Variants in PCDHA4 observed in about 807,000 individuals in gnomAD.
PCDHA4 encodes protocadherin alpha-4.
PCDHA4 carries 49 observed loss-of-function variants against 61.4 expected under a neutral mutation model. That is an observed-to-expected ratio of 0.80 (90% CI 0.63 to 1.01). The LOEUF (loss-of-function observed/expected upper bound fraction) is 1.01. PCDHA4 is among the 50% of genes least tolerant of loss of function. PCDHA4 has a pLI of 0.00. For synonymous variants in PCDHA4, 590 were observed against 550.3 expected (o/e 1.07, Z -1.01); for missense variants, 1,254 against 1,235.8 (o/e 1.01, Z -0.22).
Position 140,875,458 on chromosome 5 carries a change from C to T in PCDHA4, c.2385+65886C>T, listed in dbSNP as rs149655466. ...AAAACTGATTGTCCCAACTCAGAGG[C>T]CCTCATTTTCTGCAATGGTGATTAT... On this transcript the variant is annotated intron_variant, in intron 1 of 3. Transcript: ENST00000530339. The T allele has an allele frequency of 1.1e-3, 1,729 of 1,596,942 alleles. 10 individuals are homozygous for T. In the African/African-American group the frequency reaches 0.015, roughly 14 times the overall value.
At position 140,869,428 on chromosome 5, in the gene PCDHA4, A is replaced by G. The variant is rs781860422; in HGVS notation, c.2385+59856A>G. The G allele has an allele frequency of 9.3e-6, 15 of 1,614,214 alleles. No individual in the cohort carries two copies. In the South Asian group the frequency reaches 1.6e-4, roughly 18 times the overall value. On this transcript the variant is annotated intron_variant, in intron 1 of 3. Transcript: ENST00000530339. The stretch of plus-strand genomic sequence containing the variant: ...GGAGTGCAGCATCCACCTGGAGGTG[A>G]TCGTGGACAGGCCGCTGCAGGTTTT...
At chr5:140,927,489 C>T (rs147183638) in intron 1 of PCDHA4, 63 of 1,614,126 alleles carry the variant, frequency 3.9e-5, no homozygotes, top group Non-Finnish European at 4.8e-5. Flanking sequence ...GCGCCACCCA[C>T]CTGCTGGTGC....
intron 1 of PCDHA4, chr5:140,871,318 G>A (rs546803828): frequency 9.9e-6 from 16 of 1,614,072 alleles, no homozygotes; most frequent in Middle Eastern, 1.7e-4. Context: ...GCCCACGCTG[G>A]TGTGCTCCCG....
intron 1 of PCDHA4, among the ~76,000 whole-genome samples, chr5:140,951,082 CTTT>C (rs573059224): frequency 6.6e-6 from 1 of 151,404 alleles, no homozygotes; most frequent in African/African-American, 2.4e-5. Flanking sequence ...TTATATTTTC[CTTT>C]TTTTCTGATA....
rs146587864 is a variant in PCDHA4 at position 140,950,030 on chromosome 5, A to G, written c.2386-28919A>G. Among the ~76,000 whole-genome samples the G allele has an allele frequency of 2.6e-4, 39 of 152,064 alleles. 1 individual carries two copies. The East Asian group carries it at 4.8e-3, about 19-fold the overall frequency. On this transcript the variant is annotated intron_variant, in intron 1 of 3. Transcript: ENST00000530339. ...TGTACAACCTTCATAAAATATAGAA[A>G]AGTTACAACCATATAAGACTATTTA...
intron 1 of PCDHA4, chr5:140,929,053 T>C (rs781847457): frequency 6.2e-7 from 1 of 1,614,182 alleles, no homozygotes; most frequent in Non-Finnish European, 8.5e-7. Flanking sequence ...CTGCTGTCGC[T>C]CTACAGAGGA....
chr5:140,850,934 T>G (rs2150502964), intron 1 of PCDHA4: 2 of 1,514,156 alleles, frequency 1.3e-6, no homozygotes, highest in African/African-American at 1.4e-5. Flanking sequence ...TTTTTTTTCT[T>G]GAAAGATATT....
intron 1 of PCDHA4, chr5:140,823,491 C>A (rs2150126356): frequency 6.2e-7 from 1 of 1,613,202 alleles, no homozygotes; most frequent in South Asian, 1.1e-5. Context: ...TGGGTGGCAC[C>A]GGCGGCGCAG....
At chr5:140,841,506 G>A in intron 1 of PCDHA4, 1 of 1,613,388 alleles carries the variant, frequency 6.2e-7, no homozygotes, top group Non-Finnish European at 8.5e-7. Context: ...CTGGTGCCGC[G>A]CCTGTTCCGG....
At chr5:140,976,528 A>G (rs1238458657) in intron 1 of PCDHA4, among the ~76,000 whole-genome samples, 1 of 152,112 alleles carries the variant, frequency 6.6e-6, no homozygotes, top group East Asian at 1.9e-4. Flanking sequence ...ACCAGCCTAA[A>G]TGACAGAGTA....
intron 1 of PCDHA4, chr5:140,928,228 C>T: frequency 6.2e-7 from 1 of 1,614,218 alleles, no homozygotes; most frequent in Non-Finnish European, 8.5e-7. Context: ...ACCAAACTTT[C>T]CTCAACCCCA....
At chr5:140,827,850 A>C in intron 1 of PCDHA4, 4 of 489,030 alleles carry the variant, frequency 8.2e-6, no homozygotes, top group Non-Finnish European at 1.4e-5. Context: ...ATACTGTTTT[A>C]AAAATATATG....
chr5:140,854,244 A>C lies in PCDHA4; in HGVS notation c.2385+44672A>C, dbSNP rs782085298. 42 of 645,742 alleles carry C rather than the reference A, an allele frequency of 6.5e-5. 1 individual carries two copies. The highest frequency in any genetic ancestry group is 7.7e-5 in the Non-Finnish European group (40 of 520,302). 40.0% of individuals were successfully genotyped at this position (645,742 alleles called of 1,614,324 possible). A position where few individuals can be genotyped will look rare whatever the true frequency, so the allele number is the denominator to read the frequency against. ...TCTACATTGGGATATTTATGTTATCACTTGGTATAAAATGTACATTAGTAG... is the reference window on the plus strand; with the variant it reads ...TCTACATTGGGATATTTATGTTATCCCTTGGTATAAAATGTACATTAGTAG... On this transcript the variant is annotated intron_variant, in intron 1 of 3. Coordinates refer to ENST00000530339, the MANE Select transcript of PCDHA4 (RefSeq NM_018907.4).
chr5:140,843,603 G>C lies in PCDHA4; in HGVS notation c.2385+34031G>C, dbSNP rs2150363259. ...CAACAGCCGCAGAGGGTGTGCTCTG[G>C]TGAGGGGCCACCGAAGACGGACCTC... On this transcript the variant is annotated intron_variant, in intron 1 of 3. Coordinates refer to ENST00000530339, the MANE Select transcript of PCDHA4 (RefSeq NM_018907.4). 45 of 1,596,084 alleles carry C rather than the reference G, an allele frequency of 2.8e-5. 3 individuals carry two copies. The East Asian group carries it at 3.1e-4, about 11-fold the overall frequency.
chr5:140,850,863 T>C lies in PCDHA4; in HGVS notation c.2385+41291T>C, dbSNP rs2150500955. 38 of 1,592,804 alleles carry C rather than the reference T, an allele frequency of 2.4e-5. 2 individuals are homozygous for C. Among genetic ancestry groups the C allele is most frequent in the Non-Finnish European group, 3.2e-5 (37 of 1,163,928 alleles). On this transcript the variant is annotated intron_variant, in intron 1 of 3. Transcript: ENST00000530339. ...ATCTACAGAGCGAACGGGAGAACCC[T>C]CTGCTTCCTCAGATTCAACTGGGAA...
intron 1 of PCDHA4, chr5:140,813,585 A>G (rs1270659713): frequency 6.6e-6 from 1 of 152,254 alleles, no homozygotes; most frequent in Non-Finnish European, 1.5e-5. Context: ...CTGGAAATTT[A>G]TCTGCATGAG....
rs2150371932 is a variant in PCDHA4 at position 140,844,548 on chromosome 5, G to A, written c.2385+34976G>A. Among the ~76,000 whole-genome samples, 6 of 149,134 alleles carry A rather than the reference G, an allele frequency of 4.0e-5. 1 individual carries two copies. Among genetic ancestry groups the A allele is most frequent in the Non-Finnish European group, 7.5e-5 (5 of 66,700 alleles). ...TCTAATCATTCAACCCTTTGTTCAT[G>A]AGTTGGAATATTTTCAATAATATTC... On this transcript the variant is annotated intron_variant, in intron 1 of 3. Transcript: ENST00000530339.
chr5:140,882,174 C>T (rs868925922), intron 1 of PCDHA4: 1 of 1,514,752 alleles, frequency 6.6e-7, no homozygotes. Context: ...CGAATCCTTC[C>T]GCACTAGGAA....
intron 1 of PCDHA4, among the ~76,000 whole-genome samples, chr5:140,960,397 G>C (rs1322659184): frequency 6.6e-6 from 1 of 152,102 alleles, no homozygotes; most frequent in African/African-American, 2.4e-5. Flanking sequence ...AGGATGCAAG[G>C]GGGGGTGCCC....
Sources: allele counts gnomAD v4.1 joint callset (sites outside exome capture counted in the v4.1 genomes callset), GRCh38; gene constraint gnomAD v4.1.1; transcripts MANE v1.5; gene names NCBI Gene and HGNC (gene_info 2026-07-23, HGNC 2026-07-21).